The following WNT7B variants were observed in gnomAD, a reference collection of about 807,000 sequenced individuals.
WNT7B encodes the protein Wnt family member 7B.
A neutral mutation model predicts 38.2 loss-of-function variants in WNT7B; 19 were observed. The observed-to-expected ratio is 0.50, with a 90% CI of 0.35 to 0.73. The LOEUF (loss-of-function observed/expected upper bound fraction) is 0.73. WNT7B is among the 30% of genes least tolerant of loss of function. The pLI, the probability that WNT7B is intolerant of heterozygous loss-of-function variation, is 0.01. For synonymous variants in WNT7B, 243 were observed against 209.3 expected (o/e 1.16, Z -1.39); for missense variants, 423 against 507.9 (o/e 0.83, Z 1.61).
At chr22:45,928,250 G>C (rs562625462) in intron 3 of WNT7B, among the ~76,000 whole-genome samples, 2 of 152,178 alleles carry the variant, frequency 1.3e-5, no homozygotes, top group African/African-American at 4.8e-5. Context: ...GATGGGGCTA[G>C]GGCCCCAGCA....
chr22:45,927,035 G>A, intron 3 of WNT7B: 1 of 985,418 alleles, frequency 1.0e-6, no homozygotes, highest in Non-Finnish European at 1.2e-6. Context: ...CTAACCTCAT[G>A]TCACCAAGAG....
intron 3 of WNT7B, among the ~76,000 whole-genome samples, chr22:45,929,822 TC>T (rs1209233648): frequency 9.9e-6 from 1 of 100,626 alleles, no homozygotes; most frequent in Admixed American, 9.3e-5. Context: ...CCATCTATCT[TC>T]CCATGCACTC....
chr22:45,936,214 G>C, intron 2 of WNT7B: 1 of 975,708 alleles, frequency 1.0e-6, no homozygotes, highest in Non-Finnish European at 1.2e-6. Flanking sequence ...CCCTCTCTGA[G>C]CCTGTGTTCC....
chr22:45,962,860 G>A (rs1031543228), intron 1 of WNT7B, among the ~76,000 whole-genome samples: 3 of 152,374 alleles, frequency 2.0e-5, no homozygotes, highest in East Asian at 1.9e-4. Flanking sequence ...GGACAGATGG[G>A]TGGGTGGACA....
At position 45,976,938 on chromosome 22, in the gene WNT7B, C is replaced by G. The variant is rs1932565473; in HGVS notation, c.-184G>C. ...CACCATGGTGAGCCCGGGATGCCGC[C>G]GCCGCCACCGCCGCGTGAGCCCGGG... On this transcript the variant is annotated 5_prime_UTR_variant, in exon 1 of 4. Coordinates refer to ENST00000339464, the MANE Select transcript of WNT7B (RefSeq NM_058238.3). This position sits in a 1 kb window ranked among gnomAD's most constrained non-coding sequence, Gnocchi z 8.5. 1 of 988,744 alleles carries G rather than the reference C, an allele frequency of 1.0e-6. No homozygotes were observed. The highest frequency in any genetic ancestry group is 1.8e-5 in the African/African-American group (1 of 56,996). The allele number at this position is 988,744 out of a possible 1,614,324, so 61.2% of individuals were successfully genotyped here.
chr22:45,970,583 C>T (rs554046239), intron 1 of WNT7B, among the ~76,000 whole-genome samples: 2 of 147,512 alleles, frequency 1.4e-5, no homozygotes, highest in South Asian at 4.5e-4. Flanking sequence ...GACTCCTGGT[C>T]TCCCACCCCG....
chr22:45,931,652 A>G (rs770766210), intron 2 of WNT7B, among the ~76,000 whole-genome samples: 1 of 152,130 alleles, frequency 6.6e-6, no homozygotes, highest in Non-Finnish European at 1.5e-5. Context: ...GCCCTCCAGC[A>G]TGCAGTGCTG....
rs546110909 is a variant in WNT7B at position 45,932,538 on chromosome 22, C to T, written c.299-1169G>A. ...GGACTTCCATATGGGTCCGAAGACCCGAGATGGGCAGGTTCAGCTCTCATT... is the reference window on the plus strand; with the variant it reads ...GGACTTCCATATGGGTCCGAAGACCTGAGATGGGCAGGTTCAGCTCTCATT... On this transcript the variant is annotated intron_variant, in intron 2 of 3. Coordinates refer to ENST00000339464, the MANE Select transcript of WNT7B (RefSeq NM_058238.3). Among the ~76,000 whole-genome samples, 46 of 152,246 alleles carry T rather than the reference C, an allele frequency of 3.0e-4. 1 individual carries two copies. The highest frequency in any genetic ancestry group is 8.3e-4 in the South Asian group (4 of 4,824).
chr22:45,931,210 G>C lies in WNT7B; in HGVS notation c.458C>G (p.Ser153Trp). ...GTCGATGCCGTAACGCACGTCGGCC[G>C]AGCAGCCGCCCCACTTCCAGCCCTC... ...QAEGWKWGGCSADVRYGIDFS... is the reference protein window; with the variant it reads ...QAEGWKWGGCWADVRYGIDFS... Residue 153 changes from serine (S) to tryptophan (W), a missense_variant, in exon 3 of 4, where the codon TCG becomes TGG. By Grantham distance (177) the Ser-to-Trp change is radical (BLOSUM62 -3). Around this residue, in one of 3 missense-constraint regions of WNT7B, gnomAD observed 132 missense variants for 113.4 expected, o/e 1.16. Coordinates refer to ENST00000339464, the MANE Select transcript of WNT7B (RefSeq NM_058238.3). 6.3e-7 allele frequency: 1 copy of C among 1,599,318 alleles called. No homozygotes were observed. The highest frequency in any genetic ancestry group is 8.5e-7 in the Non-Finnish European group (1 of 1,179,826).
intron 2 of WNT7B, among the ~76,000 whole-genome samples, chr22:45,945,081 G>A (rs1931763067): frequency 6.6e-6 from 1 of 151,570 alleles, no homozygotes; most frequent in Admixed American, 6.6e-5. Flanking sequence ...TAATTTTGGT[G>A]AACTTAATTT....
In WNT7B at chr22:45,948,706, C is replaced by T. The variant is rs531600777; in HGVS notation, c.298+1214G>A. Among the ~76,000 whole-genome samples the T allele has an allele frequency of 5.3e-5, 8 of 152,222 alleles. No homozygotes were observed. The South Asian group carries it at 6.2e-4, about 12-fold the overall frequency. On this transcript the variant is annotated intron_variant, in intron 2 of 3. Transcript: ENST00000339464. ...CCTGGGAGAGCCATGGGGACCCACA[C>T]GAGGGCCTACTGGCTCGGAGCTCAC...
chr22:45,948,533 A>C (rs1931850516), intron 2 of WNT7B, among the ~76,000 whole-genome samples: 1 of 152,242 alleles, frequency 6.6e-6, no homozygotes, highest in Non-Finnish European at 1.5e-5. Context: ...CAGGATCAGA[A>C]GGACATGTTA....
intron 1 of WNT7B, chr22:45,972,116 G>GGCCCCCCCCCCCCCCCCCCCCCCCCCCC: frequency 1.9e-6 from 1 of 530,742 alleles, no homozygotes; most frequent in Non-Finnish European, 3.3e-6. Flanking sequence ...CCCGGGGGGA[G>GGCCCCCCCCCCCCCCCCCCCCCCCCCCC]CCCACCCGCC....
chr22:45,930,444 ATCTTGCCGCCGTGCAGCT>A (rs1407845938), intron 3 of WNT7B, among the ~76,000 whole-genome samples: 1 of 152,196 alleles, frequency 6.6e-6, no homozygotes, highest in Non-Finnish European at 1.5e-5. Flanking sequence ...ATCTCAGGCC[ATCTTGCCGCCGTGCAGCT>A]GCTCCTCCCA....
chr22:45,950,232 T>C, intron 1 of WNT7B, 86 bp from the exon 2 acceptor site: 1 of 1,194,262 alleles, frequency 8.4e-7, no homozygotes, highest in Non-Finnish European at 1.2e-6. Flanking sequence ...ACTCAGCCTC[T>C]CAGTCACAGG....
rs951709616 is a variant in WNT7B at position 45,965,811 on chromosome 22, C to T, written c.71+10873G>A. On this transcript the variant is annotated intron_variant, in intron 1 of 3. Coordinates refer to ENST00000339464, the MANE Select transcript of WNT7B (RefSeq NM_058238.3). This position sits in a 1 kb window ranked among gnomAD's most constrained non-coding sequence, Gnocchi z 6.5. ...AGACCCTCGCTCAGGGCCCCGGGGA[C>T]TCTTGGTCAACACACAGTTCTAAGC... Among the ~76,000 whole-genome samples, 1 of 152,324 alleles carries T rather than the reference C, an allele frequency of 6.6e-6. No individual in the cohort carries two copies. Among genetic ancestry groups the T allele is most frequent in the Non-Finnish European group, 1.5e-5 (1 of 68,032 alleles).
Position 45,970,062 on chromosome 22 carries a change from C to A in WNT7B, c.71+6622G>T, listed in dbSNP as rs114598915. 3.6e-3 allele frequency among the ~76,000 whole-genome samples: 556 copies of A among 152,344 alleles called. 6 individuals are homozygous for A. The highest frequency in any genetic ancestry group is 0.013 in the African/African-American group (528 of 41,576). ...AACCGAATCGCGCAGGCCCTACTCCCATCTATGGTCAGCCTTGCGCCCACC... is the reference window on the plus strand; with the variant it reads ...AACCGAATCGCGCAGGCCCTACTCCAATCTATGGTCAGCCTTGCGCCCACC... On this transcript the variant is annotated intron_variant, in intron 1 of 3. Coordinates refer to ENST00000339464, the MANE Select transcript of WNT7B (RefSeq NM_058238.3).
intron 1 of WNT7B, among the ~76,000 whole-genome samples, chr22:45,952,461 G>A (rs987403731): frequency 3.3e-5 from 5 of 152,248 alleles, no homozygotes; most frequent in Non-Finnish European, 7.3e-5. Context: ...ATCTGGATGG[G>A]TGGGGCTGGG....
At chr22:45,926,689 T>TCCCTGC in intron 3 of WNT7B, 1 of 980,514 alleles carries the variant, frequency 1.0e-6, no homozygotes, top group Non-Finnish European at 1.2e-6. Flanking sequence ...TGCTGGCCGG[T>TCCCTGC]CCCTGCCCCT....
Sources: gnomAD v4.1 joint callset for allele counts (sites outside exome capture counted in the v4.1 genomes callset) on GRCh38, gnomAD v4.1.1 for gene constraint, gnomAD v4.1.1 regional missense constraint, Gnocchi (gnomAD v3.1) non-coding constraint, MANE v1.5 for transcripts, NCBI Gene and HGNC (gene_info 2026-07-23, HGNC 2026-07-21) for gene names.